The following TRMT44 variants were observed in gnomAD, a reference collection of about 807,000 sequenced individuals.
The protein encoded by TRMT44 is tRNA methyltransferase 44 homolog.
Under a neutral mutation model 77.3 loss-of-function variants are expected in TRMT44, and 78 were observed. That is an observed-to-expected ratio of 1.01 (90% CI 0.84 to 1.22). TRMT44 has a LOEUF of 1.22. TRMT44 is among the 50% of genes most tolerant of loss of function. TRMT44 has a pLI of 0.00. For synonymous variants in TRMT44, 391 were observed against 383.3 expected, an observed-to-expected ratio of 1.02 and a Z score of -0.23; for missense variants, 1,090 against 964.4, an observed-to-expected ratio of 1.13 and a Z score of -1.73.
At chr4:8,486,823 G>A (rs1727822025) in intron 2 of TRMT44, among the ~76,000 whole-genome samples, 1 of 152,318 alleles carries the variant, frequency 6.6e-6, no homozygotes, top group South Asian at 2.1e-4. Context: ...TGTGAGGAGG[G>A]GAGGTGATAA....
the TRMT44 span, among the ~76,000 whole-genome samples, chr4:8,506,568 A>G: frequency 6.6e-6 from 1 of 152,092 alleles, no homozygotes; most frequent in African/African-American, 2.4e-5. Flanking sequence ...TCCCTGTGTG[A>G]CCTGGGCAGC....
At chr4:8,477,032 C>T (rs375066047), downstream of TRMT44, 9 of 152,344 alleles carry the variant, frequency 5.9e-5, no homozygotes, top group East Asian at 1.9e-4. Context: ...CGAGCCATGG[C>T]GTCTGACCCC....
chr4:8,456,419 C>T (rs1048016403), intron 6 of TRMT44, among the ~76,000 whole-genome samples: 33 of 151,964 alleles, frequency 2.2e-4, no homozygotes, highest in African/African-American at 7.3e-4. Flanking sequence ...TCCCAAGAAG[C>T]AGAGAAAAGT....
In TRMT44 at chr4:8,449,799, G is replaced by T; in HGVS notation, c.865G>T (p.Asp289Tyr). ...GTGGTCTGTAGAGAACAAGAAGAGT[G>T]ACTTTAAAAGCACCCTTTCCCTCAT... The part of the protein sequence containing the change: ...AKWSVENKKS[D>Y]FKSTLSLISI... Residue 289 changes from aspartate to tyrosine, a missense_variant, in exon 3 of 11, where the codon GAC becomes TAC. Physicochemically the swap from Asp to Tyr is radical, Grantham distance 160. Coordinates refer to ENST00000389737, the MANE Select transcript of TRMT44 (RefSeq NM_152544.3). The T allele has an allele frequency of 1.3e-6, 2 of 1,535,914 alleles. No homozygotes were observed. Among genetic ancestry groups the T allele is most frequent in the South Asian group, 1.2e-5 (1 of 84,034 alleles).
rs941595981 is a variant in TRMT44 at position 8,444,147 on chromosome 4, C to A, written c.620-2329C>A. On this transcript the variant is annotated intron_variant, in intron 1 of 10. Transcript: ENST00000389737. This position sits in a 1 kb window ranked among gnomAD's most constrained non-coding sequence, Gnocchi z 4.0. ...TCTCATCTAGAACAGAGGTTTCAGT[C>A]GGGGCAGTTTTGATCCTCAGAAGTT... Among the ~76,000 whole-genome samples, 1 of 152,002 alleles carries A rather than the reference C, an allele frequency of 6.6e-6. No individual in the cohort carries two copies. Among genetic ancestry groups the A allele is most frequent in the Non-Finnish European group, 1.5e-5 (1 of 68,016 alleles).
chr4:8,468,383 C>G (rs753307700), intron 9 of TRMT44, 37 bp downstream of exon 9: 1 of 1,600,002 alleles, frequency 6.2e-7, no homozygotes, highest in African/African-American at 1.3e-5. Flanking sequence ...GGCTAGCACG[C>G]TCCCAGGCTT....
At chr4:8,500,482 C>T in the TRMT44 span, among the ~76,000 whole-genome samples, 3 of 151,578 alleles carry the variant, frequency 2.0e-5, no homozygotes, top group East Asian at 1.9e-4. Context: ...GGCAACAGAG[C>T]GAGACTCCCT....
rs1032822129 is a variant in TRMT44, at chr4:8,444,070, T to C, written c.620-2406T>C. Among the ~76,000 whole-genome samples, 1 of 152,176 alleles carries C rather than the reference T, an allele frequency of 6.6e-6. No individual in the cohort carries two copies. The highest frequency in any genetic ancestry group is 2.4e-5 in the African/African-American group (1 of 41,430). Reference sequence around the variant, plus strand: ...TTTAGTTAAAGAACAGAATTCAGTTTGAGGCTATGTGGATTTGAGACAGAT... The same window carrying C: ...TTTAGTTAAAGAACAGAATTCAGTTCGAGGCTATGTGGATTTGAGACAGAT... On this transcript the variant is annotated intron_variant, in intron 1 of 10. Coordinates refer to ENST00000389737, the MANE Select transcript of TRMT44 (RefSeq NM_152544.3). This position sits in a 1 kb window ranked among gnomAD's most constrained non-coding sequence, Gnocchi z 4.0.
chr4:8,475,848 G>A lies in TRMT44; in HGVS notation c.2121G>A (p.Gln707=). ...LWKTKQPEAK[Q]RLLSEACKTR... is the part of the protein sequence containing the mutation. ...AGACAAAGCAACCGGAAGCGAAACA[G>A]AGACTGCTCTCTGAAGCCTGCAAAA... The change falls in exon 11 of 11, where the codon CAG becomes CAA. Residue 707 remains glutamine (Q), a synonymous_variant. Transcript: ENST00000389737. The A allele has an allele frequency of 6.2e-7, 1 of 1,614,164 alleles. No homozygotes were observed. The highest frequency in any genetic ancestry group is 1.3e-5 in the African/African-American group (1 of 75,060).
In TRMT44 at chr4:8,451,385, C is replaced by T. The variant is rs1003934493; in HGVS notation, c.955-575C>T. Among the ~76,000 whole-genome samples, 1 of 152,154 alleles carries T rather than the reference C, an allele frequency of 6.6e-6. No individual in the cohort carries two copies. The highest frequency in any genetic ancestry group is 2.4e-5 in the African/African-American group (1 of 41,420). On this transcript the variant is annotated intron_variant, in intron 3 of 10. Transcript: ENST00000389737. The surrounding 1 kb of genome is among the most constrained non-coding windows in gnomAD (Gnocchi z 4.1). ...CTTTTAACATTGGCCATTGGTTTTT[C>T]CTGTTTTGCCTAATGCCAGTTCTGA...
chr4:8,466,999 C>G (rs1289402714), intron 8 of TRMT44, among the ~76,000 whole-genome samples: 1 of 152,178 alleles, frequency 6.6e-6, no homozygotes, highest in Non-Finnish European at 1.5e-5. Flanking sequence ...TAGTTGATGC[C>G]TGGAGAGGAA....
the TRMT44 span, among the ~76,000 whole-genome samples, chr4:8,503,847 A>G: frequency 0.073 from 11,089 of 152,214 alleles, 1,057 homozygotes; most frequent in African/African-American, 0.23. Context: ...GGAGTTCCGG[A>G]AGGCTCTGAG....
intron 2 of TRMT44, 41 bp from the exon 3 acceptor site, chr4:8,449,628 G>T (rs1305192838): frequency 1.4e-6 from 2 of 1,384,880 alleles, no homozygotes; most frequent in South Asian, 1.3e-5. Context: ...AATAAGAATT[G>T]AACATATCTG....
intron 6 of TRMT44, among the ~76,000 whole-genome samples, chr4:8,456,489 C>G (rs1008337065): frequency 8.6e-5 from 13 of 151,282 alleles, no homozygotes; most frequent in Non-Finnish European, 1.9e-4. Flanking sequence ...CAGTCTGCAG[C>G]TGCAGTTGCC....
In TRMT44 at chr4:8,475,967, C is replaced by T. The variant is rs751841823; in HGVS notation, c.2240C>T (p.Pro747Leu). 6.2e-7 allele frequency: 1 copy of T among 1,614,056 alleles called. No individual in the cohort carries two copies. ...PFAHGPAELR[P>L]PRTTPRKKIS ...GCCCATGGGCCTGCGGAGCTGCGGC[C>T]ACCCCGGACCACCCCGAGGAAGAAG... Residue 747 changes from proline to leucine, a missense_variant, in exon 11 of 11, where the codon CCA becomes CTA. By Grantham distance (98) the Pro-to-Leu change is moderately conservative. Transcript: ENST00000389737.
chr4:8,502,482 C>G, the TRMT44 span, among the ~76,000 whole-genome samples: 16 of 152,372 alleles, frequency 1.1e-4, no homozygotes, highest in African/African-American at 3.6e-4. Context: ...GCAAGGTTCC[C>G]TGCTCACGGT....
chr4:8,504,290 G>GC, the TRMT44 span, among the ~76,000 whole-genome samples: 1 of 152,082 alleles, frequency 6.6e-6, no homozygotes, highest in Non-Finnish European at 1.5e-5. This position sits in a 1 kb window ranked among gnomAD's most constrained non-coding sequence, Gnocchi z 5.3. Context: ...CTGAGCAATG[G>GC]CCCCCATTCA....
At chr4:8,454,926 C>A (rs1232310938) in intron 6 of TRMT44, 113 bp downstream of exon 6, 4 of 923,290 alleles carry the variant, frequency 4.3e-6, no homozygotes, top group African/African-American at 1.7e-5. Flanking sequence ...TGATAGTAAA[C>A]CTTCACATTA....
rs1407297036 is a variant in TRMT44, at chr4:8,465,398, T to A, written c.1331T>A (p.Phe444Tyr). ...TGAAGGTCTTCCTACAATTGCCGCT[T>A]CTTTGTCCTCCCCTGCTGCTTCTTT... The part of the protein sequence containing the change: ...IAARSSYNCR[F>Y]FVLPCCFFDF... The change falls in exon 8 of 11, where the codon TTC (phenylalanine) becomes TAC (tyrosine). Residue 444 changes from phenylalanine (F) to tyrosine (Y), a missense_variant. Phe to Tyr is a conservative substitution (Grantham distance 22). Coordinates refer to ENST00000389737, the MANE Select transcript of TRMT44 (RefSeq NM_152544.3). The A allele has an allele frequency of 6.2e-7, 1 of 1,612,872 alleles. No individual in the cohort carries two copies. Among genetic ancestry groups the A allele is most frequent in the Admixed American group, 1.7e-5 (1 of 59,790 alleles).
Sources: allele counts gnomAD v4.1 joint callset (sites outside exome capture counted in the v4.1 genomes callset), GRCh38; gene constraint gnomAD v4.1.1; non-coding constraint Gnocchi (gnomAD v3.1); transcripts MANE v1.5; gene names NCBI Gene and HGNC (gene_info 2026-07-23, HGNC 2026-07-21).